The following NAALADL2 variants were observed in gnomAD, a reference collection of about 807,000 sequenced individuals.
The protein encoded by NAALADL2 is N-acetylated alpha-linked acidic dipeptidase like 2, also known as inactive N-acetylated-alpha-linked acidic dipeptidase-like protein 2.
A neutral mutation model predicts 87.2 loss-of-function variants in NAALADL2; 76 were observed. The ratio of observed to expected loss-of-function variants is 0.87; its 90% confidence interval spans 0.72 to 1.05. NAALADL2 has a LOEUF of 1.05. NAALADL2 is among the 50% of genes least tolerant of loss of function. The pLI, the probability that NAALADL2 is intolerant of heterozygous loss-of-function variation, is 0.00. For missense variants in NAALADL2, 1,089 were observed against 945.8 expected (o/e 1.15, Z -1.99); for synonymous variants, 354 against 331.0 (o/e 1.07, Z -0.75).
At chr3:174,660,938 T>C (rs190029831) in intron 2 of NAALADL2, among the ~76,000 whole-genome samples, 6 of 152,260 alleles carry the variant, frequency 3.9e-5, no homozygotes, top group African/African-American at 1.4e-4. Flanking sequence ...GAAAGCATTA[T>C]TGAGAACTGC....
intron 1 of NAALADL2, among the ~76,000 whole-genome samples, chr3:175,063,321 G>C (rs73038483): frequency 6.6e-6 from 1 of 152,036 alleles, no homozygotes; most frequent in African/African-American, 2.4e-5. Flanking sequence ...GTATGTAGTT[G>C]CTTAATATAG....
At chr3:174,809,651 T>A (rs1282122054) in intron 3 of NAALADL2, among the ~76,000 whole-genome samples, 1 of 56,718 alleles carries the variant, frequency 1.8e-5, no homozygotes, top group East Asian at 6.3e-4. Context: ...ATGGACTGAC[T>A]TTTTTTTTAC....
intron 2 of NAALADL2, among the ~76,000 whole-genome samples, chr3:174,622,906 G>T (rs1289193677): frequency 6.6e-6 from 1 of 152,202 alleles, no homozygotes; most frequent in Non-Finnish European, 1.5e-5. Flanking sequence ...AGCCAGGCGT[G>T]GTGGCAGGCA....
At chr3:175,381,664 GA>G (rs1413724961) in intron 5 of NAALADL2, among the ~76,000 whole-genome samples, 11 of 152,158 alleles carry the variant, frequency 7.2e-5, no homozygotes, top group African/African-American at 2.6e-4. Flanking sequence ...CTTTAAATAA[GA>G]ACTCACAAAA....
At chr3:174,655,604 T>C (rs1724833962) in intron 2 of NAALADL2, among the ~76,000 whole-genome samples, 1 of 151,610 alleles carries the variant, frequency 6.6e-6, no homozygotes. Flanking sequence ...CTGTTATGTT[T>C]TAATATCCCT....
At chr3:175,710,772 T>C (rs1316452261) in intron 11 of NAALADL2, among the ~76,000 whole-genome samples, 1 of 151,834 alleles carries the variant, frequency 6.6e-6, no homozygotes, top group African/African-American at 2.4e-5. Context: ...CTGTGAAATA[T>C]ATTCATATGC....
In NAALADL2 at chr3:175,182,580, T is replaced by G. The variant is rs1736746284; in HGVS notation, c.546-51351T>G. Among the ~76,000 whole-genome samples the G allele has an allele frequency of 2.2e-5, 2 of 91,984 alleles. 1 individual carries two copies. The highest frequency in any genetic ancestry group is 8.7e-4 in the South Asian group (2 of 2,292). The allele number at this position is 91,984 out of a possible 152,430, so 60.3% of individuals were successfully genotyped here. Reference sequence around the variant, plus strand: ...TTTTTTTTTTTTTTTTTTTTTTTTGTAGAGATGTGGTCTTGCTATGTTGCC... The same window carrying G: ...TTTTTTTTTTTTTTTTTTTTTTTTGGAGAGATGTGGTCTTGCTATGTTGCC... On this transcript the variant is annotated intron_variant, in intron 2 of 13. Transcript: ENST00000454872.
chr3:174,702,183 C>G (rs548839931), intron 2 of NAALADL2, among the ~76,000 whole-genome samples: 2 of 152,060 alleles, frequency 1.3e-5, no homozygotes, highest in African/African-American at 4.8e-5. Context: ...TGATGTTGAT[C>G]TTTTTTATGT....
At chr3:175,017,073 T>C (rs181304065) in intron 1 of NAALADL2, among the ~76,000 whole-genome samples, 1 of 152,240 alleles carries the variant, frequency 6.6e-6, no homozygotes, top group Admixed American at 6.6e-5. Context: ...AGTATTTTAG[T>C]TGACAATGCA....
At chr3:175,602,723 T>A (rs927904709) in intron 10 of NAALADL2, among the ~76,000 whole-genome samples, 10 of 152,182 alleles carry the variant, frequency 6.6e-5, no homozygotes, top group Non-Finnish European at 1.2e-4. Context: ...GTTATCAGTT[T>A]CAGCACAGTG....
At chr3:175,157,516 T>A (rs923160108) in intron 2 of NAALADL2, among the ~76,000 whole-genome samples, 1 of 152,130 alleles carries the variant, frequency 6.6e-6, no homozygotes, top group Non-Finnish European at 1.5e-5. Flanking sequence ...GTTGTGTATA[T>A]CTGTAAAATT....
At chr3:174,701,569 C>A (rs1428498621) in intron 2 of NAALADL2, among the ~76,000 whole-genome samples, 2 of 152,062 alleles carry the variant, frequency 1.3e-5, no homozygotes, top group Non-Finnish European at 2.9e-5. Flanking sequence ...TCATTACCTG[C>A]AAAAATTTCT....
chr3:174,537,670 A>G (rs1257255378), intron 1 of NAALADL2, among the ~76,000 whole-genome samples: 2 of 152,330 alleles, frequency 1.3e-5, no homozygotes, highest in African/African-American at 4.8e-5. Flanking sequence ...CAGGCTAGGT[A>G]TGGCTACTCA....
chr3:174,716,921 T>C (rs538685917), intron 2 of NAALADL2, among the ~76,000 whole-genome samples: 1 of 152,170 alleles, frequency 6.6e-6, no homozygotes, highest in Non-Finnish European at 1.5e-5. Flanking sequence ...CTGGTAGTTC[T>C]CTGCATAGTT....
chr3:175,275,268 G>A (rs992553572), intron 4 of NAALADL2, among the ~76,000 whole-genome samples: 4 of 152,110 alleles, frequency 2.6e-5, no homozygotes, highest in African/African-American at 9.7e-5. Flanking sequence ...TTCTAAGAAT[G>A]TCCATCCTAA....
chr3:174,538,622 G>A (rs930482897), intron 1 of NAALADL2, among the ~76,000 whole-genome samples: 3 of 152,058 alleles, frequency 2.0e-5, no homozygotes, highest in Non-Finnish European at 4.4e-5. Context: ...TAAGATTCTG[G>A]CATTTTTTTA....
chr3:174,498,115 G>A (rs1578029126), intron 1 of NAALADL2, among the ~76,000 whole-genome samples: 1 of 152,052 alleles, frequency 6.6e-6, no homozygotes, highest in Non-Finnish European at 1.5e-5. Flanking sequence ...TTATATGTGT[G>A]ATATTATCAC....
chr3:175,584,713 C>T (rs1720288590), intron 10 of NAALADL2, among the ~76,000 whole-genome samples: 1 of 152,142 alleles, frequency 6.6e-6, no homozygotes, highest in South Asian at 2.1e-4. Flanking sequence ...GTACTGAATA[C>T]TAGAGACAAT....
intron 5 of NAALADL2, among the ~76,000 whole-genome samples, chr3:175,382,995 TTTAAG>T (rs1341255534): frequency 6.6e-6 from 1 of 152,090 alleles, no homozygotes; most frequent in Non-Finnish European, 1.5e-5. Flanking sequence ...AAAGATCCCA[TTTAAG>T]TTAATATTTC....
Sources: gnomAD v4.1 joint callset for allele counts (sites outside exome capture counted in the v4.1 genomes callset) on GRCh38, gnomAD v4.1.1 for gene constraint, MANE v1.5 for transcripts, NCBI Gene and HGNC (gene_info 2026-07-23, HGNC 2026-07-21) for gene names.